SPIDR: variants seen among roughly 807,000 people sequenced by gnomAD.
SPIDR encodes scaffold protein involved in DNA repair.
In SPIDR, 93 loss-of-function variants were observed where a neutral mutation model predicts 104.6. The ratio of observed to expected loss-of-function variants is 0.89; its 90% CI spans 0.75 to 1.06. The LOEUF (loss-of-function observed/expected upper bound fraction) is 1.06. Among genes scored for constraint, SPIDR ranks in the 50% least tolerant of loss-of-function variants. The pLI is 0.00. For missense variants in SPIDR, 1,154 were observed against 1,111.2 expected, an observed-to-expected ratio of 1.04 and a Z score of -0.55; for synonymous variants, 431 against 416.9, an observed-to-expected ratio of 1.03 and a Z score of -0.41.
At chr8:47,521,566 G>A (rs559059696) in intron 8 of SPIDR, among the ~76,000 whole-genome samples, 1 of 151,556 alleles carries the variant, frequency 6.6e-6, no homozygotes, top group South Asian at 2.1e-4. Context: ...TGGGATTACA[G>A]GCACGCACCA....
At chr8:47,563,102 G>A (rs1296160810) in intron 8 of SPIDR, among the ~76,000 whole-genome samples, 3 of 146,806 alleles carry the variant, frequency 2.0e-5, no homozygotes, top group Non-Finnish European at 3.0e-5. Flanking sequence ...ACTACTACAT[G>A]TTTTGTTCAT....
intron 5 of SPIDR, among the ~76,000 whole-genome samples, chr8:47,310,636 T>G (rs1554584441): frequency 2.0e-5 from 3 of 152,172 alleles, no homozygotes; most frequent in Non-Finnish European, 4.4e-5. Flanking sequence ...ATTGGTTGTG[T>G]AGGTGACGGA....
chr8:47,733,956 C>G (rs938013657), intron 19 of SPIDR, among the ~76,000 whole-genome samples: 1 of 152,172 alleles, frequency 6.6e-6, no homozygotes, highest in African/African-American at 2.4e-5. Flanking sequence ...GGCACCACGC[C>G]TGTCTTACAA....
intron 1 of SPIDR, among the ~76,000 whole-genome samples, chr8:47,270,162 A>G (rs1290516255): frequency 6.6e-6 from 1 of 152,146 alleles, no homozygotes; most frequent in African/African-American, 2.4e-5. Context: ...CATGGTGTGA[A>G]TTAGGAAGTA....
chr8:47,307,963 C>T (rs952944006), intron 5 of SPIDR, among the ~76,000 whole-genome samples: 5 of 151,868 alleles, frequency 3.3e-5, no homozygotes, highest in Non-Finnish European at 5.9e-5. Context: ...TCATACTTTC[C>T]TGTATATCTT....
At position 47,706,387 on chromosome 8, in the gene SPIDR, T is replaced by C. The variant is rs191837344; in HGVS notation, c.1977+4372T>C. Among the ~76,000 whole-genome samples the C allele has an allele frequency of 2.8e-3, 433 of 152,246 alleles. 3 individuals carry two copies. The highest frequency in any genetic ancestry group is 0.019 in the East Asian group (96 of 5,168). On this transcript the variant is annotated intron_variant, in intron 14 of 19. Coordinates refer to ENST00000297423, the MANE Select transcript of SPIDR (RefSeq NM_001080394.4). ...CAGCCTGGGCGACAGAGTGAGACTC[T>C]GTCTCAACAACAACAACAACAAAAA...
intron 7 of SPIDR, among the ~76,000 whole-genome samples, chr8:47,416,792 C>T (rs1297106587): frequency 6.6e-6 from 1 of 151,628 alleles, no homozygotes; most frequent in Non-Finnish European, 1.5e-5. Flanking sequence ...CCACCCACAA[C>T]AGGCCCTGGT....
At chr8:47,686,211 A>G (rs1482752060) in intron 11 of SPIDR, among the ~76,000 whole-genome samples, 1 of 152,166 alleles carries the variant, frequency 6.6e-6, no homozygotes, top group Non-Finnish European at 1.5e-5. Flanking sequence ...CATGTTCCAT[A>G]GTTCTTCTTT....
chr8:47,403,818 C>A (rs1227481394), intron 6 of SPIDR, among the ~76,000 whole-genome samples: 1 of 152,126 alleles, frequency 6.6e-6, no homozygotes, highest in Non-Finnish European at 1.5e-5. Context: ...CATCAAGCTA[C>A]CAATGACTTT....
chr8:47,601,466 C>T (rs1419984532), intron 10 of SPIDR, among the ~76,000 whole-genome samples: 5 of 152,162 alleles, frequency 3.3e-5, no homozygotes, highest in South Asian at 2.1e-4. Flanking sequence ...GAGGCCGAGG[C>T]GGGCGGATCT....
intron 8 of SPIDR, among the ~76,000 whole-genome samples, chr8:47,510,686 G>C (rs1411722731): frequency 6.6e-6 from 1 of 152,092 alleles, no homozygotes; most frequent in African/African-American, 2.4e-5. Context: ...GAAGTTACAA[G>C]TGAAAAATTG....
chr8:47,515,024 C>T (rs2082901900), intron 8 of SPIDR, among the ~76,000 whole-genome samples: 1 of 152,090 alleles, frequency 6.6e-6, no homozygotes, highest in African/African-American at 2.4e-5. Flanking sequence ...CTTTAAAGTT[C>T]AGCAAAAGGA....
chr8:47,660,905 A>T (rs1187757861), intron 10 of SPIDR: 2 of 980,008 alleles, frequency 2.0e-6, no homozygotes, highest in Non-Finnish European at 2.4e-6. Flanking sequence ...AACAATGCGC[A>T]TTTGTCTGGT....
chr8:47,695,149 A>ATCTTTATTTTTC, intron 11 of SPIDR, among the ~76,000 whole-genome samples: 1 of 152,190 alleles, frequency 6.6e-6, no homozygotes, highest in South Asian at 2.1e-4. Flanking sequence ...TGAGAAAGAA[A>ATCTTTATTTTTC]AATAAAGACT....
intron 8 of SPIDR, among the ~76,000 whole-genome samples, chr8:47,452,949 A>G (rs1003746361): frequency 6.6e-6 from 1 of 152,184 alleles, no homozygotes; most frequent in East Asian, 1.9e-4. Flanking sequence ...ACATGAATAT[A>G]TAGTTAGAGG....
intron 8 of SPIDR, among the ~76,000 whole-genome samples, chr8:47,499,309 A>G (rs2079954972): frequency 6.6e-6 from 1 of 152,186 alleles, no homozygotes; most frequent in South Asian, 2.1e-4. Flanking sequence ...ATAGACTGGT[A>G]TCATCCAAAT....
chr8:47,308,940 C>T (rs1399894418), intron 5 of SPIDR, among the ~76,000 whole-genome samples: 1 of 152,188 alleles, frequency 6.6e-6, no homozygotes, highest in South Asian at 2.1e-4. Flanking sequence ...AGGCCTTCCC[C>T]TGGACATTAA....
At chr8:47,545,758 A>G (rs1014470522) in intron 8 of SPIDR, among the ~76,000 whole-genome samples, 6 of 152,112 alleles carry the variant, frequency 3.9e-5, no homozygotes, top group African/African-American at 1.4e-4. Flanking sequence ...TATAATATTA[A>G]CTATAGGTTT....
chr8:47,495,706 A>G (rs2079338682), intron 8 of SPIDR, among the ~76,000 whole-genome samples: 1 of 152,094 alleles, frequency 6.6e-6, no homozygotes, highest in African/African-American at 2.4e-5. Flanking sequence ...TTTTGAGTTA[A>G]TTTTTGTGTA....
Sources: gnomAD v4.1 joint callset for allele counts (sites outside exome capture counted in the v4.1 genomes callset) on GRCh38, gnomAD v4.1.1 for gene constraint, MANE v1.5 for transcripts, NCBI Gene and HGNC (gene_info 2026-07-23, HGNC 2026-07-21) for gene names.